The following ZNF521 variants were observed in gnomAD, a reference collection of about 807,000 sequenced individuals.
ZNF521 encodes the protein LYST-interacting protein 3.
Under a neutral mutation model 105.5 loss-of-function variants are expected in ZNF521, and 14 were observed. The observed-to-expected ratio is 0.13, with a 90% CI of 0.09 to 0.21. ZNF521 has a LOEUF of 0.21. ZNF521 is among the 10% of genes least tolerant of loss of function. The pLI is 1.00. For synonymous variants in ZNF521, 635 were observed against 606.0 expected (o/e 1.05, Z -0.70); for missense variants, 1,233 against 1,629.7 (o/e 0.76, Z 4.19).
At chr18:25,329,202 T>G (rs1913408803) in intron 2 of ZNF521, among the ~76,000 whole-genome samples, 1 of 152,186 alleles carries the variant, frequency 6.6e-6, no homozygotes, top group African/African-American at 2.4e-5. Context: ...ATACTGATCC[T>G]CAAGGTGACC....
chr18:25,247,786 G>A (rs978242302), intron 3 of ZNF521, among the ~76,000 whole-genome samples: 2 of 152,108 alleles, frequency 1.3e-5, no homozygotes, highest in Non-Finnish European at 2.9e-5. Context: ...CTAGAGGCAG[G>A]GAGTCCATTT....
At chr18:25,284,502 C>CA (rs1910573046) in intron 3 of ZNF521, among the ~76,000 whole-genome samples, 2 of 152,020 alleles carry the variant, frequency 1.3e-5, no homozygotes, top group Admixed American at 1.3e-4. Flanking sequence ...AGAAAGCAGC[C>CA]AAAAAATACC....
intron 5 of ZNF521, among the ~76,000 whole-genome samples, chr18:25,098,626 T>C (rs1170484909): frequency 1.3e-5 from 2 of 152,174 alleles, no homozygotes; most frequent in Non-Finnish European, 2.9e-5. Flanking sequence ...GAGTGAGGAC[T>C]GAGACCAACT....
At chr18:25,082,764 C>G in intron 7 of ZNF521, 1 of 302,026 alleles carries the variant, frequency 3.3e-6, no homozygotes, top group Non-Finnish European at 6.4e-6. Flanking sequence ...ATTGCTTGAA[C>G]CTAGGAGGCG....
intron 6 of ZNF521, among the ~76,000 whole-genome samples, chr18:25,090,479 C>T (rs1246666592): frequency 6.6e-6 from 1 of 152,182 alleles, no homozygotes; most frequent in Non-Finnish European, 1.5e-5. Context: ...CCTTAAAAAA[C>T]TGCTCAGATT....
At chr18:25,173,322 C>T (rs2035479854) in intron 5 of ZNF521, among the ~76,000 whole-genome samples, 1 of 152,188 alleles carries the variant, frequency 6.6e-6, no homozygotes, top group Non-Finnish European at 1.5e-5. Flanking sequence ...TCCTGATTAT[C>T]CTCACACATT....
intron 3 of ZNF521, among the ~76,000 whole-genome samples, chr18:25,286,396 G>C: frequency 6.6e-6 from 1 of 152,182 alleles, no homozygotes; most frequent in East Asian, 1.9e-4. Flanking sequence ...GCTGGAGGAT[G>C]AACAGCACCA....
intron 2 of ZNF521, among the ~76,000 whole-genome samples, chr18:25,335,148 A>G (rs1205474477): frequency 6.6e-6 from 1 of 152,220 alleles, no homozygotes; most frequent in Non-Finnish European, 1.5e-5. Flanking sequence ...CAGAGCAGTG[A>G]GCCTGTAATT....
At chr18:25,245,273 A>C (rs1010516527) in intron 3 of ZNF521, among the ~76,000 whole-genome samples, 1 of 152,224 alleles carries the variant, frequency 6.6e-6, no homozygotes, top group Non-Finnish European at 1.5e-5. Context: ...ACTATGTTTT[A>C]GGTTGGCTGT....
chr18:25,096,527 C>A (rs190582529), intron 5 of ZNF521, among the ~76,000 whole-genome samples: 21 of 152,232 alleles, frequency 1.4e-4, no homozygotes, highest in Admixed American at 4.6e-4. Flanking sequence ...ACAAGAGAAA[C>A]CCTTTAAGCA....
intron 3 of ZNF521, among the ~76,000 whole-genome samples, chr18:25,274,105 T>C (rs1355301033): frequency 6.6e-6 from 1 of 152,204 alleles, no homozygotes; most frequent in Non-Finnish European, 1.5e-5. Flanking sequence ...GGGAAGAACC[T>C]TCTTCCATGA....
intron 2 of ZNF521, among the ~76,000 whole-genome samples, chr18:25,323,467 G>A (rs1421425053): frequency 6.6e-6 from 1 of 151,662 alleles, no homozygotes; most frequent in Non-Finnish European, 1.5e-5. Flanking sequence ...GTCTTACTAG[G>A]CAGCCCAAGC....
At chr18:25,204,201 T>C (rs1444983333) in intron 4 of ZNF521, among the ~76,000 whole-genome samples, 3 of 152,202 alleles carry the variant, frequency 2.0e-5, no homozygotes, top group Non-Finnish European at 2.9e-5. Flanking sequence ...GCAAGAATGA[T>C]CTAATACATT....
intron 3 of ZNF521, among the ~76,000 whole-genome samples, chr18:25,241,697 G>A (rs1408423255): frequency 3.3e-5 from 5 of 152,238 alleles, no homozygotes; most frequent in East Asian, 1.9e-4. Context: ...TTGTTATAAT[G>A]AGGGGGAAAA....
At chr18:25,332,776 C>T (rs1252894014) in intron 2 of ZNF521, among the ~76,000 whole-genome samples, 11 of 151,952 alleles carry the variant, frequency 7.2e-5, no homozygotes, top group Non-Finnish European at 1.6e-4. Context: ...GTACTTTTTC[C>T]TACAGAATGA....
At chr18:25,338,738 T>C (rs1264219025) in intron 2 of ZNF521, among the ~76,000 whole-genome samples, 1 of 152,172 alleles carries the variant, frequency 6.6e-6, no homozygotes, top group East Asian at 1.9e-4. Flanking sequence ...CAGAATATAC[T>C]AATGAATTGT....
At chr18:25,271,451 C>T (rs1001405824) in intron 3 of ZNF521, among the ~76,000 whole-genome samples, 4 of 152,146 alleles carry the variant, frequency 2.6e-5, no homozygotes, top group African/African-American at 9.7e-5. Context: ...AAAGAGCCTG[C>T]ATAGCCATGA....
At chr18:25,278,493 C>G (rs1309894873) in intron 3 of ZNF521, among the ~76,000 whole-genome samples, 1 of 152,186 alleles carries the variant, frequency 6.6e-6, no homozygotes, top group African/African-American at 2.4e-5. Context: ...GTGCCCATGC[C>G]TCGAACAGCC....
At chr18:25,229,573 A>G (rs1189567150) in intron 3 of ZNF521, among the ~76,000 whole-genome samples, 1 of 152,208 alleles carries the variant, frequency 6.6e-6, no homozygotes, top group Non-Finnish European at 1.5e-5. Context: ...AAAAAACTCA[A>G]TAATGATCTA....
Sources: allele counts gnomAD v4.1 joint callset (sites outside exome capture counted in the v4.1 genomes callset), GRCh38; gene constraint gnomAD v4.1.1; transcripts MANE v1.5; gene names NCBI Gene and HGNC (gene_info 2026-07-23, HGNC 2026-07-21).